Variants in PTPRN2 observed in about 807,000 individuals in gnomAD.
PTPRN2 encodes the protein protein tyrosine phosphatase receptor type N2.
A neutral mutation model predicts 118.8 loss-of-function variants in PTPRN2; 74 were observed. The ratio of observed to expected loss-of-function variants is 0.62; its 90% CI spans 0.52 to 0.76. The LOEUF is 0.76. Among genes scored for constraint, PTPRN2 ranks in the 30% least tolerant of loss-of-function variants. The probability of loss-of-function intolerance (pLI) is 0.00; values close to 1 mark genes in which losing one functional copy is unlikely to be tolerated. For missense variants in PTPRN2, 1,481 were observed against 1,394.4 expected (o/e 1.06, Z -0.99); for synonymous variants, 641 against 608.0 (o/e 1.05, Z -0.80).
At chr7:157,994,695 C>T (rs1202193774) in intron 11 of PTPRN2, among the ~76,000 whole-genome samples, 4 of 118,568 alleles carry the variant, frequency 3.4e-5, no homozygotes, top group Middle Eastern at 5.4e-3. Flanking sequence ...CCCCAGCTTA[C>T]AGCTCCTTGT....
At chr7:158,404,543 T>C (rs1813201807) in intron 2 of PTPRN2, among the ~76,000 whole-genome samples, 1 of 152,126 alleles carries the variant, frequency 6.6e-6, no homozygotes, top group South Asian at 2.1e-4. Context: ...AATTGCTGGC[T>C]GCATTCCTTA....
chr7:158,090,791 T>C (rs1057459112), intron 10 of PTPRN2, among the ~76,000 whole-genome samples: 1 of 152,230 alleles, frequency 6.6e-6, no homozygotes, highest in Non-Finnish European at 1.5e-5. Context: ...TTCCCCTACT[T>C]TTATGAGTGA....
At chr7:158,309,455 G>A (rs79911220) in intron 3 of PTPRN2, among the ~76,000 whole-genome samples, 1,649 of 152,192 alleles carry the variant, frequency 0.011, 42 homozygotes, top group African/African-American at 0.038. Flanking sequence ...GCCTATTATG[G>A]GACCTCACCC....
rs1384179540 is a variant in PTPRN2, at chr7:158,563,695, T to C, written c.112+23863A>G. Reference sequence around the variant, plus strand: ...CACAGGCATGTGGCGTGGCAGTACATGAGCACTGATGTGTGAGGGGAGAAG... The same window carrying C: ...CACAGGCATGTGGCGTGGCAGTACACGAGCACTGATGTGTGAGGGGAGAAG... On this transcript the variant is annotated intron_variant, in intron 1 of 22. Coordinates refer to ENST00000389418, the MANE Select transcript of PTPRN2 (RefSeq NM_002847.5). The surrounding 1 kb of genome is among the most constrained non-coding windows in gnomAD (Gnocchi z 5.1). Among the ~76,000 whole-genome samples, 2 of 152,214 alleles carry C rather than the reference T, an allele frequency of 1.3e-5. No homozygotes were observed. The highest frequency in any genetic ancestry group is 2.9e-5 in the Non-Finnish European group (2 of 68,036).
intron 13 of PTPRN2, among the ~76,000 whole-genome samples, chr7:157,658,045 C>T (rs994635151): frequency 8.5e-5 from 13 of 152,108 alleles, no homozygotes; most frequent in Non-Finnish European, 1.3e-4. Context: ...ACACTGCACA[C>T]GCCACAAACA....
chr7:158,318,697 C>G (rs62479657), intron 2 of PTPRN2, among the ~76,000 whole-genome samples: 2 of 152,136 alleles, frequency 1.3e-5, no homozygotes, highest in African/African-American at 4.8e-5. Flanking sequence ...AGAGCAGTGA[C>G]GGTGCCGGCT....
chr7:158,206,741 A>C (rs1029513417), intron 3 of PTPRN2, among the ~76,000 whole-genome samples: 1 of 151,964 alleles, frequency 6.6e-6, no homozygotes, highest in African/African-American at 2.4e-5. Context: ...CCTAATGCAG[A>C]TATGGCTGCA....
chr7:158,341,892 C>T (rs1446053808), intron 2 of PTPRN2, among the ~76,000 whole-genome samples: 4 of 131,920 alleles, frequency 3.0e-5, no homozygotes, highest in Non-Finnish European at 6.3e-5. Flanking sequence ...CACCCACACT[C>T]ACCATATGAG....
At chr7:157,935,540 C>A (rs529829911) in intron 11 of PTPRN2, among the ~76,000 whole-genome samples, 1 of 152,350 alleles carries the variant, frequency 6.6e-6, no homozygotes, top group South Asian at 2.1e-4. Flanking sequence ...CTCCGTCTTT[C>A]CCTTTACGTT....
intron 11 of PTPRN2, among the ~76,000 whole-genome samples, chr7:157,950,602 T>C (rs1432168458): frequency 6.6e-6 from 1 of 152,250 alleles, no homozygotes; most frequent in Non-Finnish European, 1.5e-5. Flanking sequence ...CTCTGACGTC[T>C]CTAGATTCCT....
intron 2 of PTPRN2, among the ~76,000 whole-genome samples, chr7:158,344,317 G>C (rs957798521): frequency 1.1e-4 from 17 of 152,154 alleles, no homozygotes; most frequent in African/African-American, 4.1e-4. Flanking sequence ...GAAGCAATAT[G>C]GGATGGGGCT....
At chr7:157,802,210 CT>C (rs1180679274) in intron 12 of PTPRN2, among the ~76,000 whole-genome samples, 3 of 152,242 alleles carry the variant, frequency 2.0e-5, no homozygotes, top group African/African-American at 7.2e-5. Context: ...TCGCTGAAAC[CT>C]TGTGCCCTTG....
intron 2 of PTPRN2, among the ~76,000 whole-genome samples, chr7:158,351,529 A>T (rs1235956937): frequency 2.0e-5 from 3 of 152,228 alleles, no homozygotes; most frequent in East Asian, 1.9e-4. Context: ...AAAGAATGCT[A>T]AAACATTACG....
At chr7:157,653,852 AC>A (rs1805846938) in intron 14 of PTPRN2, among the ~76,000 whole-genome samples, 1 of 92,774 alleles carries the variant, frequency 1.1e-5, no homozygotes. Context: ...CCCCACACCC[AC>A]CCCGACTCCA....
At chr7:158,486,903 C>T (rs1821070532) in intron 2 of PTPRN2, among the ~76,000 whole-genome samples, 1 of 152,240 alleles carries the variant, frequency 6.6e-6, no homozygotes, top group Non-Finnish European at 1.5e-5. Flanking sequence ...TCGTCCCAAA[C>T]TGAAACTCCA....
intron 2 of PTPRN2, among the ~76,000 whole-genome samples, chr7:158,322,464 T>C (rs147327829): frequency 1.3e-5 from 2 of 152,320 alleles, no homozygotes; most frequent in African/African-American, 2.4e-5. Context: ...GCTCCGTGCA[T>C]GGCAGCATCC....
intron 12 of PTPRN2, among the ~76,000 whole-genome samples, chr7:157,767,657 G>C (rs982882097): frequency 6.6e-6 from 1 of 152,226 alleles, no homozygotes; most frequent in African/African-American, 2.4e-5. Context: ...GGTCACAGGC[G>C]AACACTGTTC....
In PTPRN2 at chr7:157,596,727, C is replaced by T. The variant is rs1349799502; in HGVS notation, c.2419-1412G>A. Among the ~76,000 whole-genome samples the T allele has an allele frequency of 2.0e-5, 3 of 152,206 alleles. No individual in the cohort carries two copies. Among genetic ancestry groups the T allele is most frequent in the Admixed American group, 2.0e-4 (3 of 15,290 alleles). On this transcript the variant is annotated intron_variant, in intron 16 of 22. Transcript: ENST00000389418. The surrounding 1 kb of genome is among the most constrained non-coding windows in gnomAD (Gnocchi z 4.2). The stretch of plus-strand genomic sequence containing the variant: ...GAGCCGGATGCTGCGCTGGGGGAAC[C>T]TCACCTTGGGGAGGCAGCCGCTTGT...
At chr7:158,129,168 T>C (rs1296115091) in intron 9 of PTPRN2, among the ~76,000 whole-genome samples, 2 of 103,968 alleles carry the variant, frequency 1.9e-5, no homozygotes, top group African/African-American at 8.0e-5. Flanking sequence ...ACCACACACA[T>C]ACAACACATA....
Sources: allele counts gnomAD v4.1 joint callset (sites outside exome capture counted in the v4.1 genomes callset), GRCh38; gene constraint gnomAD v4.1.1; non-coding constraint Gnocchi (gnomAD v3.1); transcripts MANE v1.5; gene names NCBI Gene and HGNC (gene_info 2026-07-23, HGNC 2026-07-21).